CCDC57: variants seen among roughly 807,000 people sequenced by gnomAD.
CCDC57 encodes coiled-coil domain-containing protein 57.
Under a neutral mutation model 118.9 loss-of-function variants are expected in CCDC57, and 118 were observed. That is an observed-to-expected ratio of 0.99 (90% CI 0.86 to 1.16). CCDC57 has a LOEUF of 1.16. Ranked by LOEUF, CCDC57 falls within the 50% of genes most tolerant of loss-of-function variation. The pLI, the probability that CCDC57 is intolerant of heterozygous loss-of-function variation, is 0.00. For synonymous variants in CCDC57, 527 were observed against 532.9 expected (o/e 0.99, Z 0.15); for missense variants, 1,300 against 1,320.7 (o/e 0.98, Z 0.24).
At chr17:82,167,779 CT>C (rs1294811947) in intron 13 of CCDC57, among the ~76,000 whole-genome samples, 1 of 152,162 alleles carries the variant, frequency 6.6e-6, no homozygotes, top group African/African-American at 2.4e-5. Flanking sequence ...CCGTGCCCAG[CT>C]AATTTTTGTA....
chr17:82,149,751 A>G (rs2041595018), intron 16 of CCDC57, among the ~76,000 whole-genome samples: 1 of 151,220 alleles, frequency 6.6e-6, no homozygotes, highest in Non-Finnish European at 1.5e-5. Flanking sequence ...CCGCACCCAG[A>G]ACCAGGCGCA....
chr17:82,142,044 T>G (rs1290256108), intron 16 of CCDC57, among the ~76,000 whole-genome samples: 1 of 152,204 alleles, frequency 6.6e-6, no homozygotes, highest in Non-Finnish European at 1.5e-5. Flanking sequence ...TGTAGATTTG[T>G]GCTTTTTTGA....
At chr17:82,156,302 A>AG (rs926016513) in intron 15 of CCDC57, 1 of 147,794 alleles carries the variant, frequency 6.8e-6, no homozygotes, top group African/African-American at 2.5e-5. Flanking sequence ...AAAAAAAAAA[A>AG]GAAAGAAAAA....
chr17:82,201,572 G>A lies in CCDC57; in HGVS notation c.373C>T (p.Gln125Ter), dbSNP rs868523626. ...CGCTCCAGCTCCAGGCGATGCTCCT[G>A]GAATGCCAGCTGCTGCTGCTGCTGC... Residue 125 changes from glutamine (Q) to a stop codon, truncating the protein, a stop_gained, in exon 3 of 20, where the codon CAG becomes TAG. Coordinates refer to ENST00000665763, the Ensembl canonical transcript of CCDC57. LOFTEE classifies it high-confidence loss of function. 1 of 1,611,594 alleles carries A rather than the reference G, an allele frequency of 6.2e-7. No homozygotes were observed. The highest frequency in any genetic ancestry group is 8.5e-7 in the Non-Finnish European group (1 of 1,179,530).
At chr17:82,109,850 C>G (rs1191166236) in intron 19 of CCDC57, among the ~76,000 whole-genome samples, 4 of 151,196 alleles carry the variant, frequency 2.6e-5, no homozygotes, top group African/African-American at 7.3e-5. Context: ...GAGTGAGACT[C>G]TGTCTCAAAA....
chr17:82,198,311 T>C lies in CCDC57; in HGVS notation c.516+3A>G. ...CAGGAAGGGGCCGACCCAGAGGCTC[T>C]ACCTGTCTCTGCAGAGCAAGCTCAC... On this transcript the variant is annotated splice_donor_region_variant and intron_variant, in intron 4 of 19. Coordinates refer to ENST00000665763, the Ensembl canonical transcript of CCDC57. 3 of 1,602,142 alleles carry C rather than the reference T, an allele frequency of 1.9e-6. No individual in the cohort carries two copies. Among genetic ancestry groups the C allele is most frequent in the African/African-American group, 2.7e-5 (2 of 74,650 alleles).
chr17:82,113,176 A>G (rs910887717), intron 19 of CCDC57: 5 of 570,296 alleles, frequency 8.8e-6, no homozygotes, highest in Non-Finnish European at 1.2e-5. Context: ...AAGTTCCAAG[A>G]CTGCCCTGTC....
Position 82,192,867 on chromosome 17 carries a change from G to A in CCDC57, c.851+889C>T, listed in dbSNP as rs1285400948. Among the ~76,000 whole-genome samples the A allele has an allele frequency of 6.6e-6, 1 of 152,074 alleles. No individual in the cohort carries two copies. The highest frequency in any genetic ancestry group is 2.4e-5 in the African/African-American group (1 of 41,398). ...GTCAATAAAAAATGCAAGAAAAATCGCCTGAGTCACTGTCCATCGCCGTTG... is the reference window on the plus strand; with the variant it reads ...GTCAATAAAAAATGCAAGAAAAATCACCTGAGTCACTGTCCATCGCCGTTG... On this transcript the variant is annotated intron_variant, in intron 7 of 19. Coordinates refer to ENST00000665763, the Ensembl canonical transcript of CCDC57. This position sits in a 1 kb window ranked among gnomAD's most constrained non-coding sequence, Gnocchi z 4.0.
intron 4 of CCDC57, among the ~76,000 whole-genome samples, chr17:82,195,987 C>A (rs760107129): frequency 1.3e-5 from 2 of 152,226 alleles, no homozygotes; most frequent in South Asian, 2.1e-4. Context: ...ATGTTCCCAA[C>A]GTCTGAGATG....
At chr17:82,123,758 C>T (rs750537183) in intron 19 of CCDC57, among the ~76,000 whole-genome samples, 3 of 151,668 alleles carry the variant, frequency 2.0e-5, no homozygotes, top group Non-Finnish European at 4.4e-5. Context: ...AGGAAAAATT[C>T]CATTTAAGTT....
At chr17:82,144,388 C>T (rs956240046) in intron 16 of CCDC57, among the ~76,000 whole-genome samples, 12 of 152,280 alleles carry the variant, frequency 7.9e-5, no homozygotes, top group African/African-American at 2.6e-4. Flanking sequence ...AGAAAGTCAT[C>T]TACAGATACA....
intron 16 of CCDC57, among the ~76,000 whole-genome samples, chr17:82,138,192 A>G (rs2039504603): frequency 7.8e-6 from 1 of 127,524 alleles, no homozygotes; most frequent in South Asian, 2.7e-4. Flanking sequence ...TCTGTTGCCC[A>G]GGCTAGAGTG....
At chr17:82,145,978 T>C (rs1223837293) in intron 16 of CCDC57, 3 of 305,132 alleles carry the variant, frequency 9.8e-6, no homozygotes, top group African/African-American at 4.7e-5. Context: ...AGACAGGCTC[T>C]ATGCCTGAAA....
intron 16 of CCDC57, among the ~76,000 whole-genome samples, chr17:82,148,088 G>A (rs142381460): frequency 7.1e-5 from 6 of 84,034 alleles, no homozygotes; most frequent in African/African-American, 2.6e-4. Context: ...ATGGGTGGAT[G>A]GATGGATGGG....
At chr17:82,169,635 G>A (rs1555727592) in intron 13 of CCDC57, among the ~76,000 whole-genome samples, 1 of 152,210 alleles carries the variant, frequency 6.6e-6, no homozygotes, top group Non-Finnish European at 1.5e-5. Flanking sequence ...CCAGGCAGGA[G>A]AGGGGCCTGC....
At chr17:82,200,966 C>T (rs926291189) in intron 3 of CCDC57, among the ~76,000 whole-genome samples, 11 of 152,160 alleles carry the variant, frequency 7.2e-5, no homozygotes, top group Admixed American at 3.9e-4. Context: ...GATGAACCTG[C>T]GGTACTTCTG....
At chr17:82,106,883 A>C (rs2034886035) in intron 19 of CCDC57, among the ~76,000 whole-genome samples, 1 of 152,180 alleles carries the variant, frequency 6.6e-6, no homozygotes. Flanking sequence ...GGGCCTTCCC[A>C]GGTCTGCCAG....
chr17:82,110,691 C>A (rs911116714), intron 19 of CCDC57, among the ~76,000 whole-genome samples: 1 of 152,152 alleles, frequency 6.6e-6, no homozygotes, highest in African/African-American at 2.4e-5. Context: ...ATTGTAAAAC[C>A]TACTACTGAA....
At chr17:82,134,168 G>A in exon 17 of CCDC57, 1 of 1,345,432 alleles carries the variant, frequency 7.4e-7, no homozygotes, top group Non-Finnish European at 9.6e-7. Context: ...TCAGGGGCAG[G>A]AGGGAGGGCG....
Sources: gnomAD v4.1 joint callset for allele counts (sites outside exome capture counted in the v4.1 genomes callset) on GRCh38, gnomAD v4.1.1 for gene constraint, Gnocchi (gnomAD v3.1) non-coding constraint, MANE v1.5 for transcripts, NCBI Gene and HGNC (gene_info 2026-07-23, HGNC 2026-07-21) for gene names.